The following STARD9 variants were observed in gnomAD, a reference collection of about 807,000 sequenced individuals.
The protein encoded by STARD9 is stAR-related lipid transfer protein 9.
Under a neutral mutation model 399.8 loss-of-function variants are expected in STARD9, and 346 were observed. The observed-to-expected ratio is 0.87, with a 90% CI of 0.79 to 0.95. The LOEUF is 0.95. STARD9 is among the 40% of genes least tolerant of loss of function. STARD9 has a pLI of 0.00. For missense variants in STARD9, 5,832 were observed against 5,667.5 expected, an observed-to-expected ratio of 1.03 and a Z score of -0.93; for synonymous variants, 2,203 against 2,143.5, an observed-to-expected ratio of 1.03 and a Z score of -0.77.
At position 42,641,367 on chromosome 15, in the gene STARD9, GTT is replaced by G. The variant is rs926040689; in HGVS notation, c.559+2563_559+2564del. ...ATACAGGTGGACATTTCGTTGTTTT[GTT>G]TTTTTTTAAATTATACTTTAAGTAC... On this transcript the variant is annotated intron_variant, in intron 7 of 32. Coordinates refer to ENST00000290607, the MANE Select transcript of STARD9 (RefSeq NM_020759.3). 2.0e-5 allele frequency among the ~76,000 whole-genome samples: 3 copies of G among 150,884 alleles called. No individual in the cohort carries two copies. In the South Asian group the frequency reaches 6.3e-4, roughly 32 times the overall value.
At chr15:42,663,061 C>G (rs1685366423) in intron 11 of STARD9, 170 bp downstream of exon 11, 2 of 690,850 alleles carry the variant, frequency 2.9e-6, no homozygotes, top group African/African-American at 3.6e-5. Context: ...TGCTGTCCTA[C>G]TACCATCATT....
At position 42,688,068 on chromosome 15, in the gene STARD9, G is replaced by C; in HGVS notation, c.6490G>C (p.Val2164Leu). The C allele has an allele frequency of 6.5e-7, 1 of 1,537,434 alleles. No homozygotes were observed. The highest frequency in any genetic ancestry group is 1.2e-5 in the South Asian group (1 of 84,056). Residue 2164 changes from valine (V) to leucine (L), a missense_variant, in exon 23 of 33, where the codon GTG (valine) becomes CTG (leucine). Val to Leu is a conservative substitution (Grantham distance 32). Coordinates refer to ENST00000290607, the MANE Select transcript of STARD9 (RefSeq NM_020759.3). Reference sequence around the variant, plus strand: ...GGAAGGTGTACGAGAGAGTGAACCTGTGAGAGAGCACACCCACCCAGCTGG... The same window carrying C: ...GGAAGGTGTACGAGAGAGTGAACCTCTGAGAGAGCACACCCACCCAGCTGG... ...SREGVRESEP[V>L]REHTHPAGSD...
chr15:42,623,644 T>A (rs2059136584), intron 3 of STARD9, among the ~76,000 whole-genome samples: 1 of 152,230 alleles, frequency 6.6e-6, no homozygotes, highest in Non-Finnish European at 1.5e-5. Context: ...TAGATTTCAT[T>A]TGGCTTTGTT....
intron 21 of STARD9, among the ~76,000 whole-genome samples, chr15:42,681,818 C>T (rs2060435673): frequency 6.6e-6 from 1 of 152,070 alleles, no homozygotes; most frequent in East Asian, 1.9e-4. Flanking sequence ...CCTTATTGTC[C>T]TCAGAATTAC....
chr15:42,689,021 G>A lies in STARD9; in HGVS notation c.7443G>A (p.Lys2481=), dbSNP rs983938699. 1 of 1,537,216 alleles carries A rather than the reference G, an allele frequency of 6.5e-7. No homozygotes were observed. Among genetic ancestry groups the A allele is most frequent in the Admixed American group, 2.0e-5 (1 of 50,984 alleles). The change falls in exon 23 of 33, where the codon AAG becomes AAA. Residue 2481 remains lysine (K), a synonymous_variant. Coordinates refer to ENST00000290607, the MANE Select transcript of STARD9 (RefSeq NM_020759.3). ...QKEIRVSSLN[K]VSSQPEKRVS... The stretch of plus-strand genomic sequence containing the variant: ...AAATAAGAGTCAGTTCACTGAACAA[G>A]GTCTCTAGCCAGCCTGAAAAGAGGG...
intron 26 of STARD9, among the ~76,000 whole-genome samples, chr15:42,712,097 A>ATATATT (rs58494140): frequency 4.8e-3 from 1 of 208 alleles, no homozygotes; most frequent in Non-Finnish European, 0.016. Context: ...ATATATATAT[A>ATATATT]ATATATAATA....
chr15:42,619,045 T>C (rs2059031607), intron 3 of STARD9, among the ~76,000 whole-genome samples: 1 of 152,332 alleles, frequency 6.6e-6, no homozygotes, highest in East Asian at 1.9e-4. Context: ...TTTCAGTTTT[T>C]ACTCTTTTAT....
At chr15:42,630,697 T>C (rs923913685) in intron 3 of STARD9, among the ~76,000 whole-genome samples, 1 of 152,158 alleles carries the variant, frequency 6.6e-6, no homozygotes, top group Non-Finnish European at 1.5e-5. Flanking sequence ...TCTTTCTAGG[T>C]TTTCCAATTT....
At chr15:42,597,343 C>T (rs1196553768) in intron 3 of STARD9, among the ~76,000 whole-genome samples, 6 of 152,042 alleles carry the variant, frequency 3.9e-5, no homozygotes, top group African/African-American at 9.7e-5. Context: ...CATAAGCCAC[C>T]GCACCTGGTG....
At position 42,686,219 on chromosome 15, in the gene STARD9, T is replaced by A. The variant is rs183414402; in HGVS notation, c.4641T>A (p.Phe1547Leu). ...CTAGCAATCTGAATCTCAACAACTTTCCAGTCCATCTGTCCAGAATCAGGC... is the reference window on the plus strand; with the variant it reads ...CTAGCAATCTGAATCTCAACAACTTACCAGTCCATCTGTCCAGAATCAGGC... ...RVSSNLNLNN[F>L]PVHLSRIRRL... is the part of the protein sequence containing the mutation. The change falls in exon 23 of 33, where the codon TTT (phenylalanine) becomes TTA (leucine). Residue 1547 changes from phenylalanine to leucine, a missense_variant. Phe to Leu is a conservative substitution (Grantham distance 22). Coordinates refer to ENST00000290607, the MANE Select transcript of STARD9 (RefSeq NM_020759.3). 6.5e-7 allele frequency: 1 copy of A among 1,537,644 alleles called. No individual in the cohort carries two copies.
rs903321711 is a variant in STARD9, at chr15:42,694,595, C to T, written c.12832C>T (p.Arg4278Ter). 8.5e-6 allele frequency: 13 copies of T among 1,537,056 alleles called. No homozygotes were observed. Among genetic ancestry groups the T allele is most frequent in the African/African-American group, 1.4e-5 (1 of 73,010 alleles). ...GCGACTTGGGAACTTCTGCCGGACG[C>T]GAAGCCTTAGCCCTCAGAAACAACT... ...AERLGNFCRT[R>*]SLSPQKQLSL... is the part of the protein sequence containing the mutation. The change falls in exon 24 of 33, where the codon CGA becomes TGA. Residue 4278 changes from arginine (R) to a stop codon, truncating the protein, a stop_gained. Transcript: ENST00000290607. LOFTEE classifies it high-confidence loss of function.
At chr15:42,597,994 A>ATGTGTG (rs1191600880) in intron 3 of STARD9, among the ~76,000 whole-genome samples, 3 of 51,690 alleles carry the variant, frequency 5.8e-5, no homozygotes, top group South Asian at 6.1e-4. Context: ...GTGTTTGTAT[A>ATGTGTG]TATATATGTG....
At chr15:42,674,365 CTAA>C (rs1462122525) in intron 16 of STARD9, 72 bp from the exon 17 acceptor site, 1 of 1,166,398 alleles carries the variant, frequency 8.6e-7, no homozygotes, top group African/African-American at 1.5e-5. Flanking sequence ...TGAGAATATT[CTAA>C]TGTGGACTCT....
intron 3 of STARD9, among the ~76,000 whole-genome samples, chr15:42,608,088 G>A (rs1251914268): frequency 1.3e-5 from 2 of 152,068 alleles, no homozygotes; most frequent in Non-Finnish European, 2.9e-5. Context: ...AAACACCTTT[G>A]TCCAGGGATA....
At chr15:42,620,852 T>A (rs1018950508) in intron 3 of STARD9, among the ~76,000 whole-genome samples, 3 of 152,084 alleles carry the variant, frequency 2.0e-5, no homozygotes, top group Non-Finnish European at 4.4e-5. Context: ...CCTCCAAGGT[T>A]CCAGCAGTTC....
Position 42,684,117 on chromosome 15 carries a change from A to G in STARD9, c.2539A>G (p.Ile847Val). The change falls in exon 23 of 33, where the codon ATT (isoleucine) becomes GTT (valine). Residue 847 changes from isoleucine to valine, a missense_variant and splice_region_variant. Ile to Val is a conservative substitution (Grantham distance 29). Coordinates refer to ENST00000290607, the MANE Select transcript of STARD9 (RefSeq NM_020759.3). The stretch of plus-strand genomic sequence containing the variant: ...AGATAGCTTTCCTTGTCTTCACAGC[A>G]TTTTCCTAAGTTGGGATCCCTCTAC... ...CSKHMPQLHSIFLSWDPSTTL... is the reference protein window; with the variant it reads ...CSKHMPQLHSVFLSWDPSTTL... 2 of 1,523,310 alleles carry G rather than the reference A, an allele frequency of 1.3e-6. No individual in the cohort carries two copies. Among genetic ancestry groups the G allele is most frequent in the Non-Finnish European group, 1.8e-6 (2 of 1,136,578 alleles). The allele number at this position is 1,523,310 out of a possible 1,614,324, so 94.4% of individuals were successfully genotyped here. A position where few individuals can be genotyped will look rare whatever the true frequency, so the allele number is the denominator to read the frequency against.
intron 3 of STARD9, among the ~76,000 whole-genome samples, chr15:42,623,174 C>G (rs2059125871): frequency 6.6e-6 from 1 of 152,094 alleles, no homozygotes; most frequent in African/African-American, 2.4e-5. Flanking sequence ...ATTGCTTGAA[C>G]CTGGGAGGCG....
chr15:42,703,058 G>T (rs1427638914), intron 26 of STARD9, among the ~76,000 whole-genome samples: 2 of 152,198 alleles, frequency 1.3e-5, no homozygotes, highest in Non-Finnish European at 2.9e-5. Context: ...GTCTCCTAAA[G>T]TGTTGGGATT....
chr15:42,631,080 A>G (rs971743172), intron 3 of STARD9, among the ~76,000 whole-genome samples: 2 of 151,896 alleles, frequency 1.3e-5, no homozygotes, highest in African/African-American at 2.4e-5. Flanking sequence ...CCTGGGCTCA[A>G]GTGATCTTCT....
Sources: allele counts gnomAD v4.1 joint callset (sites outside exome capture counted in the v4.1 genomes callset), GRCh38; gene constraint gnomAD v4.1.1; transcripts MANE v1.5; gene names NCBI Gene and HGNC (gene_info 2026-07-23, HGNC 2026-07-21).